Variants in TRPM3 observed in about 807,000 individuals in gnomAD.
TRPM3 encodes long transient receptor potential channel 3.
In TRPM3, 77 loss-of-function variants were observed where a neutral mutation model predicts 181.2. The ratio of observed to expected loss-of-function variants is 0.42; its 90% CI spans 0.35 to 0.51. TRPM3 has a LOEUF of 0.51. Ranked by LOEUF, TRPM3 falls within the 20% of genes least tolerant of loss-of-function variation. The probability of loss-of-function intolerance (pLI) is 0.01; values close to 1 mark genes in which losing one functional copy is unlikely to be tolerated. For synonymous variants in TRPM3, 745 were observed against 796.4 expected, an observed-to-expected ratio of 0.94 and a Z score of 1.09; for missense variants, 1,759 against 2,196.7, an observed-to-expected ratio of 0.80 and a Z score of 3.98.
At chr9:70,755,055 TA>T (rs2076813652) in intron 8 of TRPM3, among the ~76,000 whole-genome samples, 1 of 152,178 alleles carries the variant, frequency 6.6e-6, no homozygotes, top group African/African-American at 2.4e-5. Flanking sequence ...AAATTATAGT[TA>T]TACTGTAATT....
intron 1 of TRPM3, among the ~76,000 whole-genome samples, chr9:70,913,885 C>T (rs902894050): frequency 2.0e-5 from 3 of 152,252 alleles, no homozygotes; most frequent in East Asian, 1.9e-4. Context: ...CCACAGACCT[C>T]GCCTAAACTC....
intron 1 of TRPM3, among the ~76,000 whole-genome samples, chr9:71,037,681 A>T (rs1212390970): frequency 1.3e-5 from 2 of 152,258 alleles, no homozygotes; most frequent in African/African-American, 4.8e-5. Flanking sequence ...AACAGCCTGC[A>T]GAACATCGGC....
intron 1 of TRPM3, among the ~76,000 whole-genome samples, chr9:71,184,935 A>G (rs2077592089): frequency 6.6e-6 from 1 of 152,170 alleles, no homozygotes; most frequent in African/African-American, 2.4e-5. Context: ...GGCTGTCAAC[A>G]CACATATAGA....
intron 25 of TRPM3, among the ~76,000 whole-genome samples, chr9:70,545,912 C>A (rs1207152201): frequency 6.6e-6 from 1 of 152,176 alleles, no homozygotes; most frequent in Non-Finnish European, 1.5e-5. Flanking sequence ...TAGGCAGTTT[C>A]TTCTCTTTTC....
intron 1 of TRPM3, among the ~76,000 whole-genome samples, chr9:70,936,868 C>G (rs1025080175): frequency 6.6e-6 from 1 of 152,190 alleles, no homozygotes; most frequent in Non-Finnish European, 1.5e-5. Context: ...CATTTCTCTG[C>G]TGTATCTCTT....
At chr9:70,840,570 T>C (rs7042983) in intron 5 of TRPM3, among the ~76,000 whole-genome samples, 1,588 of 151,976 alleles carry the variant, frequency 0.01, 33 homozygotes, top group African/African-American at 0.037. Flanking sequence ...TTGGAATGCA[T>C]AAGTTTCTAG....
chr9:71,113,828 A>T (rs2071695004), intron 1 of TRPM3, among the ~76,000 whole-genome samples: 1 of 152,210 alleles, frequency 6.6e-6, no homozygotes, highest in Non-Finnish European at 1.5e-5. Context: ...ATGAGCCAAC[A>T]TCTCTTTACT....
Position 70,631,933 on chromosome 9 carries a change from T to C in TRPM3, c.1632+3278A>G, listed in dbSNP as rs149607850. On this transcript the variant is annotated intron_variant, in intron 12 of 25. Coordinates refer to ENST00000677713, the MANE Select transcript of TRPM3 (RefSeq NM_001366145.2). The stretch of plus-strand genomic sequence containing the variant: ...GCATTCCTTTGGTTCTTAAGAGTTA[T>C]TTACATATAGTTTTACAGATGTATT... Among the ~76,000 whole-genome samples, 4 of 152,308 alleles carry C rather than the reference T, an allele frequency of 2.6e-5. No homozygotes were observed. In the East Asian group the frequency reaches 7.7e-4, roughly 29 times the overall value.
intron 7 of TRPM3, among the ~76,000 whole-genome samples, chr9:70,779,881 A>T (rs571107057): frequency 6.6e-6 from 1 of 152,308 alleles, no homozygotes; most frequent in Admixed American, 6.5e-5. Flanking sequence ...CATTATGCCA[A>T]TGAGAAAAAA....
chr9:70,862,103 C>G (rs2095537050), intron 3 of TRPM3, among the ~76,000 whole-genome samples: 1 of 152,034 alleles, frequency 6.6e-6, no homozygotes. Flanking sequence ...TCTCCAGACT[C>G]AAAAAACTCC....
intron 8 of TRPM3, among the ~76,000 whole-genome samples, chr9:70,740,921 A>AAT (rs1306486719): frequency 4.6e-5 from 7 of 152,244 alleles, no homozygotes; most frequent in African/African-American, 1.7e-4. Context: ...CTTCACGACA[A>AAT]GAACACGAAA....
intron 1 of TRPM3, among the ~76,000 whole-genome samples, chr9:71,011,483 G>A (rs913439939): frequency 2.0e-5 from 3 of 151,936 alleles, no homozygotes; most frequent in Non-Finnish European, 2.9e-5. Flanking sequence ...TACTTGCACA[G>A]TATTTTCTGT....
chr9:71,315,484 C>T (rs2088486016), intron 1 of TRPM3, among the ~76,000 whole-genome samples: 1 of 152,066 alleles, frequency 6.6e-6, no homozygotes, highest in African/African-American at 2.4e-5. Context: ...CTGTCTAGAT[C>T]CCTGCTTTAC....
intron 1 of TRPM3, among the ~76,000 whole-genome samples, chr9:71,283,443 C>A (rs2085015148): frequency 6.6e-6 from 1 of 152,014 alleles, no homozygotes; most frequent in Admixed American, 6.5e-5. Flanking sequence ...ACTACAGGCA[C>A]CCACCACCAC....
chr9:71,409,979 GA>G (rs1283158207), intron 1 of TRPM3, among the ~76,000 whole-genome samples: 1 of 152,168 alleles, frequency 6.6e-6, no homozygotes, highest in Non-Finnish European at 1.5e-5. Context: ...CAAATGCATG[GA>G]AACTGAACAA....
intron 1 of TRPM3, among the ~76,000 whole-genome samples, chr9:71,109,037 C>T (rs1340563919): frequency 6.8e-6 from 1 of 147,372 alleles, no homozygotes; most frequent in African/African-American, 2.6e-5. Flanking sequence ...ACAAAAGGCT[C>T]ACCTCCTCCG....
chr9:71,436,298 C>CTTTTT (rs71352382), intron 1 of TRPM3, among the ~76,000 whole-genome samples: 255 of 77,288 alleles, frequency 3.3e-3, no homozygotes, highest in East Asian at 6.5e-3. Flanking sequence ...TTTTTTCTTT[C>CTTTTT]TTTTTTTTTT....
intron 1 of TRPM3, among the ~76,000 whole-genome samples, chr9:70,945,598 A>G (rs895489333): frequency 6.6e-6 from 1 of 152,158 alleles, no homozygotes; most frequent in Non-Finnish European, 1.5e-5. Context: ...AATTTCCCAC[A>G]ATAGCTCACA....
intron 1 of TRPM3, among the ~76,000 whole-genome samples, chr9:70,896,356 C>T (rs942658093): frequency 2.0e-5 from 3 of 152,138 alleles, no homozygotes; most frequent in Admixed American, 6.6e-5. Flanking sequence ...ATCTTATAGA[C>T]TTACTTGGCC....
Sources: allele counts gnomAD v4.1 joint callset (sites outside exome capture counted in the v4.1 genomes callset), GRCh38; gene constraint gnomAD v4.1.1; transcripts MANE v1.5; gene names NCBI Gene and HGNC (gene_info 2026-07-23, HGNC 2026-07-21).